KLF17: variants seen among roughly 807,000 people sequenced by gnomAD.
KLF17 encodes KLF transcription factor 17.
KLF17 carries 31 observed loss-of-function variants against 34.2 expected under a neutral mutation model. The ratio of observed to expected loss-of-function variants is 0.91; its 90% confidence interval spans 0.68 to 1.22. KLF17 has a LOEUF of 1.22. Among genes scored for constraint, KLF17 ranks in the 50% most tolerant of loss-of-function variants. The pLI, the probability that KLF17 is intolerant of heterozygous loss-of-function variation, is 0.00. For synonymous variants in KLF17, 179 were observed against 186.7 expected (o/e 0.96, Z 0.34); for missense variants, 478 against 505.2 (o/e 0.95, Z 0.52).
the KLF17 span, among the ~76,000 whole-genome samples, chr1:44,101,817 A>G: frequency 6.6e-6 from 1 of 151,960 alleles, no homozygotes; most frequent in African/African-American, 2.4e-5. Context: ...ACTTGAGCCC[A>G]GGAGTTTGAG....
At chr1:44,046,070 G>T in the KLF17 span, 1 of 150,328 alleles carries the variant, frequency 6.7e-6, no homozygotes, top group Non-Finnish European at 1.5e-5. Flanking sequence ...TGGAACATAA[G>T]AAAAATAAAA....
chr1:44,070,099 T>C, the KLF17 span, among the ~76,000 whole-genome samples: 1 of 152,192 alleles, frequency 6.6e-6, no homozygotes. Flanking sequence ...GTCAATTAGT[T>C]CTTGTCTGTA....
chr1:44,118,649 G>C (rs1264975535), upstream of KLF17, among the ~76,000 whole-genome samples: 1 of 137,316 alleles, frequency 7.3e-6, no homozygotes, highest in Admixed American at 7.4e-5. Flanking sequence ...CCTTTAAGAA[G>C]CGTTCAAGGC....
chr1:44,114,958 A>C (rs1229108597), upstream of KLF17: 1 of 152,226 alleles, frequency 6.6e-6, no homozygotes, highest in Non-Finnish European at 1.5e-5. Flanking sequence ...TAGTCACACC[A>C]ATACCCATCT....
chr1:44,127,691 T>TTTCTTTCTTTCTTTC (rs1491100393), intron 1 of KLF17, among the ~76,000 whole-genome samples: 1 of 15,266 alleles, frequency 6.6e-5, no homozygotes, highest in African/African-American at 1.7e-4. Flanking sequence ...TCTTTCTTTC[T>TTTCTTTCTTTCTTTC]TTTTCTTTCT....
At chr1:44,057,548 A>G in the KLF17 span, among the ~76,000 whole-genome samples, 2 of 152,220 alleles carry the variant, frequency 1.3e-5, no homozygotes, top group Non-Finnish European at 2.9e-5. Flanking sequence ...CATTCACTGC[A>G]TTTATGCCAG....
chr1:44,128,477 C>T (rs552920195), intron 1 of KLF17, among the ~76,000 whole-genome samples: 1 of 152,352 alleles, frequency 6.6e-6, no homozygotes, highest in Non-Finnish European at 1.5e-5. Flanking sequence ...AGACAACCCC[C>T]ATCCCTTTTT....
At chr1:44,116,950 T>C (rs2087884595), upstream of KLF17, 1 of 152,166 alleles carries the variant, frequency 6.6e-6, no homozygotes, top group African/African-American at 2.4e-5. Flanking sequence ...CCAAATCTGC[T>C]CCTCTTCCTA....
At chr1:44,066,210 C>T in the KLF17 span, among the ~76,000 whole-genome samples, 1 of 151,910 alleles carries the variant, frequency 6.6e-6, no homozygotes, top group Non-Finnish European at 1.5e-5. Context: ...TTCTCAGCTA[C>T]TTGGGAGACT....
the KLF17 span, among the ~76,000 whole-genome samples, chr1:44,075,299 C>T: frequency 5.3e-5 from 8 of 152,164 alleles, no homozygotes; most frequent in South Asian, 1.0e-3. Flanking sequence ...GTGTTTGATA[C>T]TTTGGCATTT....
chr1:44,045,171 G>T, the KLF17 span: 1 of 152,282 alleles, frequency 6.6e-6, no homozygotes, highest in Non-Finnish European at 1.5e-5. Flanking sequence ...CTTACCAGAA[G>T]GACAGAAGGC....
the KLF17 span, among the ~76,000 whole-genome samples, chr1:44,057,450 C>A: frequency 1.3e-5 from 2 of 152,246 alleles, no homozygotes; most frequent in East Asian, 3.9e-4. Context: ...CTGCAGGGGA[C>A]ACCAAAAGGG....
At chr1:44,080,713 AT>A in the KLF17 span, among the ~76,000 whole-genome samples, 5,617 of 92,626 alleles carry the variant, frequency 0.061, 257 homozygotes, top group African/African-American at 0.24. Flanking sequence ...ATTATATTGA[AT>A]TTTTTTTTTT....
chr1:44,130,215 G>T lies in KLF17; in HGVS notation c.925+19G>T. The T allele has an allele frequency of 6.3e-7, 1 of 1,594,384 alleles. No homozygotes were observed. Among genetic ancestry groups the T allele is most frequent in the Non-Finnish European group, 8.5e-7 (1 of 1,169,862 alleles). Reference sequence around the variant, plus strand: ...CACACAGGTGAAGGAGGTGTCAGGTGGGGTGGGGATGGAGGAGTCTCTGGG... The same window carrying T: ...CACACAGGTGAAGGAGGTGTCAGGTTGGGTGGGGATGGAGGAGTCTCTGGG... On this transcript the variant is annotated intron_variant, in intron 2 of 3. Coordinates refer to ENST00000372299, the MANE Select transcript of KLF17 (RefSeq NM_173484.4).
the KLF17 span, among the ~76,000 whole-genome samples, chr1:44,055,933 C>T: frequency 8.2e-4 from 125 of 152,274 alleles, no homozygotes; most frequent in East Asian, 7.7e-4. Flanking sequence ...CCCAATAGTT[C>T]GCAATCCTTA....
At chr1:44,075,175 C>A in the KLF17 span, among the ~76,000 whole-genome samples, 1 of 152,016 alleles carries the variant, frequency 6.6e-6, no homozygotes, top group African/African-American at 2.4e-5. Context: ...GTCACATACA[C>A]ACAAAGCTAT....
At chr1:44,058,804 G>A in the KLF17 span, among the ~76,000 whole-genome samples, 4 of 148,160 alleles carry the variant, frequency 2.7e-5, no homozygotes, top group African/African-American at 1.0e-4. Flanking sequence ...CAGATCTCCT[G>A]TTTGATGAAG....
chr1:44,106,728 A>C, the KLF17 span: 1 of 152,262 alleles, frequency 6.6e-6, no homozygotes, highest in Non-Finnish European at 1.5e-5. Context: ...CAGAGAGACA[A>C]GAAGGTAAAG....
At chr1:44,080,481 G>A in the KLF17 span, among the ~76,000 whole-genome samples, 3 of 150,102 alleles carry the variant, frequency 2.0e-5, no homozygotes. Context: ...CTCGTGATAT[G>A]CCCGCCTTGG....
Sources: gnomAD v4.1 joint callset for allele counts (sites outside exome capture counted in the v4.1 genomes callset) on GRCh38, gnomAD v4.1.1 for gene constraint, MANE v1.5 for transcripts, NCBI Gene and HGNC (gene_info 2026-07-23, HGNC 2026-07-21) for gene names.